The following SOD2 variants were observed in gnomAD, a reference collection of about 807,000 sequenced individuals.
SOD2 encodes the protein superoxide dismutase 2.
Under a neutral mutation model 27.0 loss-of-function variants are expected in SOD2, and 11 were observed. The ratio of observed to expected loss-of-function variants is 0.41; its 90% CI spans 0.26 to 0.67. The LOEUF is 0.67. Among genes scored for constraint, SOD2 ranks in the 30% least tolerant of loss-of-function variants. The probability of loss-of-function intolerance (pLI) is 0.34; values close to 1 mark genes in which losing one functional copy is unlikely to be tolerated. For missense variants in SOD2, 250 were observed against 274.5 expected, an observed-to-expected ratio of 0.91 and a Z score of 0.63; for synonymous variants, 105 against 103.0, an observed-to-expected ratio of 1.02 and a Z score of -0.12.
upstream of SOD2, among the ~76,000 whole-genome samples, chr6:159,698,075 C>A (rs1382799340): frequency 6.6e-6 from 1 of 152,136 alleles, no homozygotes; most frequent in African/African-American, 2.4e-5. Flanking sequence ...GAATTGGAGA[C>A]CAGCCTGGCC....
chr6:159,690,995 T>C (rs530715613), intron 2 of SOD2: 36 of 152,160 alleles, frequency 2.4e-4, no homozygotes, highest in Non-Finnish European at 4.6e-4. Flanking sequence ...TTTCCCCAAG[T>C]TTTCAAACAT....
At chr6:159,749,259 T>C (rs1272085943), upstream of SOD2, 30 of 985,716 alleles carry the variant, frequency 3.0e-5, no homozygotes, top group Non-Finnish European at 3.3e-5. Context: ...TGAGACTCAC[T>C]GCATTATTTT....
chr6:159,693,232 A>T lies in SOD2; in HGVS notation c.-65T>A, dbSNP rs2114796553. ...CTGAAGCCGCTGCCGAAGCCACCAC[A>T]GCCACGAGTGCCGCTCCTGCGCCGC... On this transcript the variant is annotated 5_prime_UTR_variant, in exon 1 of 5. Coordinates refer to ENST00000538183, the MANE Select transcript of SOD2 (RefSeq NM_000636.4). 1 of 1,438,212 alleles carries T rather than the reference A, an allele frequency of 7.0e-7. No homozygotes were observed. 89.1% of individuals were successfully genotyped at this position (1,438,212 alleles called of 1,614,324 possible).
At chr6:159,684,461 A>G (rs964660005) in intron 4 of SOD2, among the ~76,000 whole-genome samples, 2 of 152,172 alleles carry the variant, frequency 1.3e-5, no homozygotes, top group East Asian at 1.9e-4. Context: ...TACTAAAAAC[A>G]CAAAAATTAG....
chr6:159,725,518 T>C (rs571039586), intron 1 of SOD2: 3 of 151,430 alleles, frequency 2.0e-5, no homozygotes, highest in African/African-American at 7.3e-5. Flanking sequence ...TTATTTTTTC[T>C]GTGTATCTTA....
chr6:159,734,349 C>G (rs1025794640), intron 1 of SOD2, among the ~76,000 whole-genome samples: 2 of 148,472 alleles, frequency 1.3e-5, no homozygotes, highest in Non-Finnish European at 3.0e-5. Flanking sequence ...AGCACTCCAG[C>G]CTGGCAACAG....
intron 1 of SOD2, among the ~76,000 whole-genome samples, chr6:159,740,878 A>G (rs1324066154): frequency 2.6e-5 from 4 of 151,046 alleles, no homozygotes; most frequent in Non-Finnish European, 5.9e-5. Flanking sequence ...ATTTTTTTGT[A>G]TTTTCAGTAG....
chr6:159,755,369 T>C, intron 1 of SOD2: 1 of 1,614,100 alleles, frequency 6.2e-7, no homozygotes, highest in Non-Finnish European at 8.5e-7. Flanking sequence ...CTCCAACAGC[T>C]CAGAGGAGAG....
chr6:159,684,427 G>C (rs1780091988), intron 4 of SOD2, among the ~76,000 whole-genome samples: 3 of 151,888 alleles, frequency 2.0e-5, no homozygotes, highest in Admixed American at 2.0e-4. Flanking sequence ...GACCAGCCTG[G>C]CCAACATGGT....
At chr6:159,753,518 C>CT (rs781582715) in intron 1 of SOD2, 1 of 1,614,162 alleles carries the variant, frequency 6.2e-7, no homozygotes, top group Non-Finnish European at 8.5e-7. Context: ...GAATCAAGAG[C>CT]TTGGAAGGCA....
At chr6:159,727,405 C>CGGGAGGCGGGAGGT, upstream of SOD2, 1 of 1,208,754 alleles carries the variant, frequency 8.3e-7, no homozygotes, top group Non-Finnish European at 1.1e-6. Flanking sequence ...AGGCGGGAGG[C>CGGGAGGCGGGAGGT]AGTGGCGCTG....
At chr6:159,755,065 A>G (rs1191818817) in intron 1 of SOD2, 2 of 1,613,878 alleles carry the variant, frequency 1.2e-6, no homozygotes, top group Non-Finnish European at 1.7e-6. Flanking sequence ...ATGAAGAAGT[A>G]GAGGGTATGC....
intron 1 of SOD2, among the ~76,000 whole-genome samples, chr6:159,735,387 C>A (rs902957735): frequency 6.6e-6 from 1 of 152,208 alleles, no homozygotes; most frequent in African/African-American, 2.4e-5. Context: ...GTGATCCACC[C>A]ACCAGCCTCC....
chr6:159,737,719 C>G (rs548173067), intron 1 of SOD2, among the ~76,000 whole-genome samples: 1 of 151,920 alleles, frequency 6.6e-6, no homozygotes, highest in African/African-American at 2.4e-5. Flanking sequence ...CTTGAACTCC[C>G]GAGTTCAAGA....
rs1017366080 is a variant in SOD2 at position 159,677,948 on chromosome 6, G to A, written c.*4545C>T. On this transcript the variant is annotated 3_prime_UTR_variant, in exon 5 of 5. Transcript: ENST00000538183. Reference sequence around the variant, plus strand: ...GGGAGCCTCTAGGTAGCTTCAGGACGGGGGGCTGCTTACCAGAAAGACCAA... The same window carrying A: ...GGGAGCCTCTAGGTAGCTTCAGGACAGGGGGCTGCTTACCAGAAAGACCAA... 7 of 152,216 alleles carry A rather than the reference G, an allele frequency of 4.6e-5. No homozygotes were observed. The highest frequency in any genetic ancestry group is 6.8e-3 in the Middle Eastern group (2 of 294). The allele number at this position is 152,216 out of a possible 1,614,324, so 9.4% of individuals were successfully genotyped here. A position where few individuals can be genotyped will look rare whatever the true frequency, so the allele number is the denominator to read the frequency against.
chr6:159,736,573 A>G, intron 1 of SOD2: 2 of 295,106 alleles, frequency 6.8e-6, no homozygotes. Flanking sequence ...GAATATTTCC[A>G]GGTCTACTCT....
At chr6:159,685,675 TCCC>T (rs1554258773) in intron 3 of SOD2, among the ~76,000 whole-genome samples, 1 of 42,008 alleles carries the variant, frequency 2.4e-5, no homozygotes, top group South Asian at 8.2e-4. Context: ...TCACCCCCCG[TCCC>T]CTTCTTTCTC....
rs991903757 is a variant in SOD2 at position 159,671,941 on chromosome 6, G to A, written c.*10552C>T. 6.6e-6 allele frequency: 1 copy of A among 152,206 alleles called. No individual in the cohort carries two copies. Among genetic ancestry groups the A allele is most frequent in the Non-Finnish European group, 1.5e-5 (1 of 68,038 alleles). The allele number at this position is 152,206 out of a possible 1,614,324, so 9.4% of individuals were successfully genotyped here. A position where few individuals can be genotyped will look rare whatever the true frequency, so the allele number is the denominator to read the frequency against. On this transcript the variant is annotated 3_prime_UTR_variant, in exon 5 of 5. Coordinates refer to ENST00000538183, the MANE Select transcript of SOD2 (RefSeq NM_000636.4). ...AACCATGGCATGAGAACTACGTGAC[G>A]AATGCACAAGCTTCAGTAGCCAATT...
Position 159,693,109 on chromosome 6 carries a change from C to T in SOD2, c.23+36G>A. 2.0e-6 allele frequency: 3 copies of T among 1,526,580 alleles called. No individual in the cohort carries two copies. The South Asian group carries it at 3.7e-5, about 19-fold the overall frequency. 94.6% of individuals were successfully genotyped at this position (1,526,580 alleles called of 1,614,324 possible). A position where few individuals can be genotyped will look rare whatever the true frequency, so the allele number is the denominator to read the frequency against. On this transcript the variant is annotated intron_variant, in intron 1 of 4. Coordinates refer to ENST00000538183, the MANE Select transcript of SOD2 (RefSeq NM_000636.4). ...GCCCTGCCCGCCGCGAGCCCCTTCG[C>T]CCTTGGGGCCGTGACCGGGTCCCCT...
Sources: allele counts gnomAD v4.1 joint callset (sites outside exome capture counted in the v4.1 genomes callset), GRCh38; gene constraint gnomAD v4.1.1; transcripts MANE v1.5; gene names NCBI Gene and HGNC (gene_info 2026-07-23, HGNC 2026-07-21).